ST18: variants seen among roughly 807,000 people sequenced by gnomAD.
The protein encoded by ST18 is suppression of tumorigenicity 18 protein.
Under a neutral mutation model 110.0 loss-of-function variants are expected in ST18, and 50 were observed. The observed-to-expected ratio is 0.45, with a 90% CI of 0.36 to 0.58. The LOEUF (loss-of-function observed/expected upper bound fraction) is 0.58. ST18 is among the 20% of genes least tolerant of loss of function. The pLI, the probability that ST18 is intolerant of heterozygous loss-of-function variation, is 0.00. For synonymous variants in ST18, 461 were observed against 452.4 expected, an observed-to-expected ratio of 1.02 and a Z score of -0.24; for missense variants, 1,306 against 1,280.1, an observed-to-expected ratio of 1.02 and a Z score of -0.31.
chr8:52,113,304 A>G lies in ST18; in HGVS notation c.3038T>C (p.Val1013Ala), dbSNP rs771471443. The change falls in exon 26 of 26, where the codon GTA becomes GCA. Residue 1013 changes from valine (V) to alanine (A), a missense_variant. Physicochemically the swap from Val to Ala is moderately conservative, Grantham distance 64. Transcript: ENST00000689386. The stretch of plus-strand genomic sequence containing the variant: ...GCTGTACATATCTGTGAGTGTATTT[A>G]CATATGCTTCAAAATTCTGCTCACT... ...PISEQNFEAY[V>A]NTLTDMYSNL... 19 of 1,614,026 alleles carry G rather than the reference A, an allele frequency of 1.2e-5. 1 individual carries two copies. The South Asian group carries it at 2.1e-4, about 18-fold the overall frequency.
rs370576295 is a variant in ST18, at chr8:52,149,886, G to A, written c.1898C>T (p.Ser633Phe). The A allele has an allele frequency of 9.3e-6, 15 of 1,614,074 alleles. No individual in the cohort carries two copies. The highest frequency in any genetic ancestry group is 1.3e-5 in the Non-Finnish European group (15 of 1,180,046). The change falls in exon 16 of 26, where the codon TCT (serine) becomes TTT (phenylalanine). Residue 633 changes from serine (S) to phenylalanine (F), a missense_variant. Physicochemically the swap from Ser to Phe is radical, Grantham distance 155 (BLOSUM62 -2). Transcript: ENST00000689386. ...GGAAGGAGTTGGAATAGAAGTGTTA[G>A]AGGAAGTTAGGGGTGCAGACTTGTC... The part of the protein sequence containing the change: ...ILDKSAPLTS[S>F]NTSIPTPSSS...
At chr8:52,257,041 T>C (rs2094548189) in intron 2 of ST18, among the ~76,000 whole-genome samples, 1 of 152,224 alleles carries the variant, frequency 6.6e-6, no homozygotes. Flanking sequence ...CATTTTATAA[T>C]AATGGAATCA....
intron 2 of ST18, chr8:52,406,142 C>T (rs565626974): frequency 6.6e-6 from 1 of 152,346 alleles, no homozygotes; most frequent in African/African-American, 2.4e-5. Context: ...GGTCTAACTG[C>T]ACTGTCTGCC....
intron 2 of ST18, among the ~76,000 whole-genome samples, chr8:52,237,893 G>C (rs556204113): frequency 5.3e-4 from 81 of 152,236 alleles, no homozygotes; most frequent in African/African-American, 1.8e-3. Context: ...CCAATCAAAA[G>C]TGGGCAAAGG....
intron 8 of ST18, 37 bp from the exon 9 acceptor site, chr8:52,180,349 T>C: frequency 6.2e-7 from 1 of 1,601,336 alleles, no homozygotes; most frequent in Non-Finnish European, 8.5e-7. Context: ...TATGGTAAAT[T>C]AGCATTTACT....
intron 2 of ST18, 85 bp from the exon 3 acceptor site, chr8:52,230,162 A>T (rs1160537935): frequency 2.6e-5 from 4 of 152,280 alleles, no homozygotes; most frequent in African/African-American, 7.2e-5. Flanking sequence ...CAGCTTATTA[A>T]CTATATAAAA....
intron 8 of ST18, among the ~76,000 whole-genome samples, chr8:52,198,410 C>G (rs1203430770): frequency 6.6e-6 from 1 of 152,114 alleles, no homozygotes; most frequent in African/African-American, 2.4e-5. Context: ...TAGTTTTCTG[C>G]ACACAAAAAA....
chr8:52,178,623 A>G, intron 9 of ST18, among the ~76,000 whole-genome samples: 1 of 125,928 alleles, frequency 7.9e-6, no homozygotes, highest in Non-Finnish European at 1.6e-5. Flanking sequence ...TCAAAAAAAA[A>G]AAAAAAAAAA....
At chr8:52,216,263 A>C (rs983139882) in intron 6 of ST18, among the ~76,000 whole-genome samples, 1 of 152,180 alleles carries the variant, frequency 6.6e-6, no homozygotes, top group South Asian at 2.1e-4. Flanking sequence ...TCACCACTCC[A>C]GGCAGCCGCT....
chr8:52,395,553 T>C (rs1840796885), intron 2 of ST18, among the ~76,000 whole-genome samples: 1 of 152,178 alleles, frequency 6.6e-6, no homozygotes, highest in African/African-American at 2.4e-5. Flanking sequence ...GTCTGGTGAA[T>C]ATAAAGCTTC....
intron 25 of ST18, among the ~76,000 whole-genome samples, chr8:52,113,771 T>C (rs1475157518): frequency 3.3e-5 from 5 of 151,934 alleles, no homozygotes; most frequent in Non-Finnish European, 7.4e-5. Flanking sequence ...GGCAGAAACT[T>C]AAAGAATTTA....
chr8:52,222,378 C>T (rs913189256), intron 3 of ST18, among the ~76,000 whole-genome samples: 2 of 152,188 alleles, frequency 1.3e-5, no homozygotes, highest in Non-Finnish European at 2.9e-5. Context: ...AGCTTCCTGA[C>T]GCTCACAGCT....
chr8:52,362,026 G>C (rs1564578456), intron 2 of ST18, among the ~76,000 whole-genome samples: 1 of 151,982 alleles, frequency 6.6e-6, no homozygotes, highest in East Asian at 1.9e-4. Context: ...CTATATTCTA[G>C]TTCAAAATTT....
At chr8:52,315,329 T>A (rs982232833) in intron 2 of ST18, among the ~76,000 whole-genome samples, 1 of 152,216 alleles carries the variant, frequency 6.6e-6, no homozygotes, top group Admixed American at 6.5e-5. Context: ...TAATTAAGCG[T>A]ATACAACAGC....
At chr8:52,217,391 G>A (rs2084740652) in intron 6 of ST18, among the ~76,000 whole-genome samples, 1 of 152,136 alleles carries the variant, frequency 6.6e-6, no homozygotes, top group African/African-American at 2.4e-5. Flanking sequence ...TAAGAAAAAA[G>A]TTCAGTTTAA....
intron 24 of ST18, among the ~76,000 whole-genome samples, chr8:52,117,873 A>G (rs1239180609): frequency 6.6e-6 from 1 of 152,224 alleles, no homozygotes; most frequent in Non-Finnish European, 1.5e-5. Flanking sequence ...GAATTGAGAA[A>G]TTGCTTGGGC....
chr8:52,309,503 A>G, intron 2 of ST18, among the ~76,000 whole-genome samples: 1 of 141,506 alleles, frequency 7.1e-6, no homozygotes, highest in Admixed American at 7.4e-5. Flanking sequence ...CCTGGGCAAC[A>G]GAGCAAGACT....
At chr8:52,331,072 TG>T (rs1304155158) in intron 2 of ST18, among the ~76,000 whole-genome samples, 2 of 152,144 alleles carry the variant, frequency 1.3e-5, no homozygotes, top group Admixed American at 6.5e-5. Flanking sequence ...GCAGTTGCTG[TG>T]CAACTGCTTC....
intron 2 of ST18, among the ~76,000 whole-genome samples, chr8:52,321,504 C>G (rs959528006): frequency 6.6e-6 from 1 of 152,142 alleles, no homozygotes; most frequent in Non-Finnish European, 1.5e-5. Flanking sequence ...CAAGTGCAAA[C>G]AACTGACACA....
Sources: gnomAD v4.1 joint callset for allele counts (sites outside exome capture counted in the v4.1 genomes callset) on GRCh38, gnomAD v4.1.1 for gene constraint, MANE v1.5 for transcripts, NCBI Gene and HGNC (gene_info 2026-07-23, HGNC 2026-07-21) for gene names.